The following ROCK1 variants were observed in gnomAD, a reference collection of about 807,000 sequenced individuals.
ROCK1 encodes Rho associated coiled-coil containing protein kinase 1, also known as rho-associated protein kinase 1.
In ROCK1, 36 loss-of-function variants were observed where a neutral mutation model predicts 196.8. That is an observed-to-expected ratio of 0.18 (90% CI 0.14 to 0.24). The LOEUF is 0.24. Ranked by LOEUF, ROCK1 falls within the 10% of genes least tolerant of loss-of-function variation. The pLI is 1.00. For synonymous variants in ROCK1, 443 were observed against 515.9 expected (o/e 0.86, Z 1.91); for missense variants, 920 against 1,562.0 (o/e 0.59, Z 6.93).
chr18:21,032,720 C>T (rs898143032), intron 9 of ROCK1, among the ~76,000 whole-genome samples: 5 of 147,578 alleles, frequency 3.4e-5, no homozygotes, highest in Admixed American at 2.7e-4. Flanking sequence ...TGAGGTTTTG[C>T]CATGTTGACC....
At chr18:20,998,593 C>CA (rs1465736666) in intron 16 of ROCK1, among the ~76,000 whole-genome samples, 6 of 143,928 alleles carry the variant, frequency 4.2e-5, no homozygotes, top group African/African-American at 1.3e-4. Context: ...TAAATTTTAC[C>CA]AAACTTTTTT....
At chr18:21,084,857 T>C (rs2036513000) in intron 1 of ROCK1, among the ~76,000 whole-genome samples, 2 of 152,176 alleles carry the variant, frequency 1.3e-5, no homozygotes, top group Admixed American at 1.3e-4. Context: ...AACACAATTG[T>C]ACACCAACAG....
chr18:21,044,308 T>C, intron 5 of ROCK1, 122 bp from the exon 6 acceptor site: 1 of 585,558 alleles, frequency 1.7e-6, no homozygotes, highest in Non-Finnish European at 3.0e-6. Context: ...TTGATCTGTA[T>C]GTGTTCTCTA....
intron 4 of ROCK1, 140 bp downstream of exon 4, chr18:21,048,952 T>G: frequency 1.7e-6 from 1 of 598,978 alleles, no homozygotes; most frequent in Non-Finnish European, 2.5e-6. Context: ...ACAATTAAAT[T>G]TTAAGATTTA....
At chr18:21,013,553 C>T (rs1480692696) in intron 13 of ROCK1, among the ~76,000 whole-genome samples, 1 of 152,198 alleles carries the variant, frequency 6.6e-6, no homozygotes. Context: ...GTGGGAGGGG[C>T]ACCCCCTTAC....
At chr18:20,997,820 A>G (rs1444012772) in intron 16 of ROCK1, among the ~76,000 whole-genome samples, 1 of 150,292 alleles carries the variant, frequency 6.7e-6, no homozygotes, top group Non-Finnish European at 1.5e-5. Flanking sequence ...CAAAACTAGA[A>G]ATCAACAACA....
At chr18:21,009,950 GAAGT>G (rs2035802755) in intron 13 of ROCK1, among the ~76,000 whole-genome samples, 1 of 152,122 alleles carries the variant, frequency 6.6e-6, no homozygotes, top group African/African-American at 2.4e-5. Flanking sequence ...TGATTTTTGA[GAAGT>G]TAGTCCCTTT....
At chr18:20,965,771 T>A (rs1644771161) in intron 27 of ROCK1, among the ~76,000 whole-genome samples, 1 of 152,156 alleles carries the variant, frequency 6.6e-6, no homozygotes, top group Admixed American at 6.5e-5. Context: ...ACAGAGGAGT[T>A]CCTTGACCAC....
chr18:20,991,266 C>G lies in ROCK1; in HGVS notation c.2053G>C (p.Glu685Gln), dbSNP rs1186371094. The change falls in exon 18 of 33, where the codon GAA becomes CAA. Residue 685 changes from glutamate (E) to glutamine (Q), a missense_variant. Coordinates refer to ENST00000399799, the MANE Select transcript of ROCK1 (RefSeq NM_005406.3). The part of the protein sequence containing the change: ...YKLKSLQQRL[E>Q]QEVNEHKVTK... ...ACTTTGTGTTCATTTACCTCTTGTTCTAACCGTTGTTGTAATGATTTAAGT... is the reference window on the plus strand; with the variant it reads ...ACTTTGTGTTCATTTACCTCTTGTTGTAACCGTTGTTGTAATGATTTAAGT... The G allele has an allele frequency of 6.2e-7, 1 of 1,608,422 alleles. No homozygotes were observed. The highest frequency in any genetic ancestry group is 1.7e-5 in the Admixed American group (1 of 59,532).
At chr18:20,968,725 G>A (rs772853423) in intron 25 of ROCK1, 47 bp downstream of exon 25, 1 of 1,132,360 alleles carries the variant, frequency 8.8e-7, no homozygotes, top group South Asian at 1.3e-5. Context: ...AAAGAGCAAT[G>A]ATTAACTCAA....
At chr18:21,097,039 GA>G (rs959468243) in intron 1 of ROCK1, among the ~76,000 whole-genome samples, 7 of 152,300 alleles carry the variant, frequency 4.6e-5, no homozygotes, top group Non-Finnish European at 8.8e-5. Flanking sequence ...CAAGGGGAGA[GA>G]AAGGTAGGTC....
At chr18:21,069,172 T>C (rs1451505025) in intron 2 of ROCK1, among the ~76,000 whole-genome samples, 5 of 152,224 alleles carry the variant, frequency 3.3e-5, no homozygotes, top group Admixed American at 2.6e-4. Flanking sequence ...AAATTGTGAA[T>C]GGATATTAAA....
chr18:20,990,689 G>A (rs1394099971), intron 18 of ROCK1, among the ~76,000 whole-genome samples: 1 of 55,846 alleles, frequency 1.8e-5, no homozygotes. Flanking sequence ...GCAAAACTTC[G>A]TCTCAAAAAA....
intron 29 of ROCK1, among the ~76,000 whole-genome samples, chr18:20,959,093 A>AAT (rs1259427078): frequency 1.2e-4 from 4 of 32,380 alleles, no homozygotes; most frequent in East Asian, 1.2e-3. Context: ...TATTTTATAT[A>AAT]ATATATATAT....
At chr18:21,074,018 C>T (rs1292386670) in intron 1 of ROCK1, among the ~76,000 whole-genome samples, 3 of 151,978 alleles carry the variant, frequency 2.0e-5, no homozygotes, top group East Asian at 3.9e-4. Context: ...AATAGCTGGG[C>T]GTGGTGCCGC....
intron 1 of ROCK1, among the ~76,000 whole-genome samples, chr18:21,078,786 G>T (rs962659618): frequency 1.4e-4 from 21 of 152,148 alleles, no homozygotes; most frequent in African/African-American, 4.6e-4. Flanking sequence ...GCTGCTACTA[G>T]AGCCTCTGTT....
chr18:20,971,761 GC>G (rs2143365887), intron 22 of ROCK1, among the ~76,000 whole-genome samples: 1 of 151,780 alleles, frequency 6.6e-6, no homozygotes, highest in Admixed American at 6.6e-5. Flanking sequence ...CAGGGAGCAT[GC>G]ATTAGTGGGG....
chr18:21,016,632 C>T (rs192141268), intron 12 of ROCK1, among the ~76,000 whole-genome samples: 6 of 152,172 alleles, frequency 3.9e-5, no homozygotes, highest in Admixed American at 1.3e-4. Context: ...AACTTACTGC[C>T]TCTGTTCCAC....
intron 9 of ROCK1, among the ~76,000 whole-genome samples, chr18:21,033,422 C>T (rs1020321878): frequency 7.2e-5 from 11 of 152,110 alleles, no homozygotes; most frequent in Non-Finnish European, 1.2e-4. Flanking sequence ...TGACCAGGAA[C>T]AGACAAGGTG....
Sources: allele counts gnomAD v4.1 joint callset (sites outside exome capture counted in the v4.1 genomes callset), GRCh38; gene constraint gnomAD v4.1.1; transcripts MANE v1.5; gene names NCBI Gene and HGNC (gene_info 2026-07-23, HGNC 2026-07-21).